The following LHPP variants were observed in gnomAD, a reference collection of about 807,000 sequenced individuals.
LHPP encodes hLHPP.
A neutral mutation model predicts 30.3 loss-of-function variants in LHPP; 24 were observed. That is an observed-to-expected ratio of 0.79 (90% confidence interval 0.57 to 1.11). The LOEUF (loss-of-function observed/expected upper bound fraction) is 1.11. Among genes scored for constraint, LHPP ranks in the 50% most tolerant of loss-of-function variants. LHPP has a pLI of 0.00. For synonymous variants in LHPP, 150 were observed against 157.1 expected (o/e 0.95, Z 0.34); for missense variants, 356 against 367.2 (o/e 0.97, Z 0.25).
chr10:124,498,550 A>C, intron 5 of LHPP: 1 of 1,284,430 alleles, frequency 7.8e-7, no homozygotes, highest in Admixed American at 2.8e-5. Flanking sequence ...TGCCTTTCAA[A>C]CTTCCAAATT....
Position 124,496,474 on chromosome 10 carries a change from CGGCTAACGGG to C in LHPP, c.468-486_468-477del, listed in dbSNP as rs1183650269. On this transcript the variant is annotated intron_variant, in intron 3 of 6. Transcript: ENST00000368842. This position sits in a 1 kb window ranked among gnomAD's most constrained non-coding sequence, Gnocchi z 4.3. ...GAAACCTGGCACCTCGCTTGACCTC[CGGCTAACGGG>C]ATGCGGCAGGGTGCTGTGGAACTAA... Among the ~76,000 whole-genome samples, 1 of 152,212 alleles carries C rather than the reference CGGCTAACGGG, an allele frequency of 6.6e-6. No homozygotes were observed.
intron 6 of LHPP, among the ~76,000 whole-genome samples, chr10:124,559,564 G>A (rs1448002308): frequency 6.6e-6 from 1 of 152,268 alleles, no homozygotes; most frequent in Non-Finnish European, 1.5e-5. Flanking sequence ...TGGCCACAGA[G>A]GTGAGGCTGG....
At chr10:124,470,193 C>CG (rs369920494) in intron 1 of LHPP, among the ~76,000 whole-genome samples, 2 of 152,116 alleles carry the variant, frequency 1.3e-5, no homozygotes, top group Non-Finnish European at 2.9e-5. Flanking sequence ...AGGCCGGCCT[C>CG]GGGGCCCTGG....
At chr10:124,601,329 G>C (rs1366425077) in intron 6 of LHPP, among the ~76,000 whole-genome samples, 1 of 152,222 alleles carries the variant, frequency 6.6e-6, no homozygotes, top group Non-Finnish European at 1.5e-5. Context: ...GGATCTTTCA[G>C]ATTTTCTCAA....
intron 1 of LHPP, among the ~76,000 whole-genome samples, chr10:124,464,421 GGTCCC>G (rs1952499397): frequency 6.6e-6 from 1 of 152,152 alleles, no homozygotes; most frequent in South Asian, 2.1e-4. Flanking sequence ...GGACCCAAAC[GGTCCC>G]GCATAGTGAA....
At chr10:124,504,739 G>A (rs1222780032) in intron 5 of LHPP, among the ~76,000 whole-genome samples, 2 of 152,190 alleles carry the variant, frequency 1.3e-5, no homozygotes, top group Non-Finnish European at 1.5e-5. Context: ...CTGACCTTGG[G>A]TGGTCTCCCT....
intron 3 of LHPP, chr10:124,490,442 C>A: frequency 3.0e-6 from 1 of 334,824 alleles, no homozygotes; most frequent in Admixed American, 3.1e-5. Flanking sequence ...GCCTGGCCTT[C>A]ATGACGTGAA....
chr10:124,527,931 C>T (rs1954787545), intron 6 of LHPP, among the ~76,000 whole-genome samples: 1 of 152,098 alleles, frequency 6.6e-6, no homozygotes, highest in Non-Finnish European at 1.5e-5. Flanking sequence ...AGGTTTATGC[C>T]ACCACGCCCA....
chr10:124,568,473 G>A (rs1191866084), intron 6 of LHPP, among the ~76,000 whole-genome samples: 5 of 152,156 alleles, frequency 3.3e-5, no homozygotes, highest in African/African-American at 4.8e-5. Flanking sequence ...GCGCGATGAG[G>A]CCCCTTTCGA....
Position 124,496,872 on chromosome 10 carries a change from A to G in LHPP, c.468-89A>G. ...GCGGCTTGGCTCTGCAGCCAGCGGG[A>G]CAGGCCCGGTGCTCAGCTCCCGATA... On this transcript the variant is annotated intron_variant, in intron 3 of 6. Coordinates refer to ENST00000368842, the MANE Select transcript of LHPP (RefSeq NM_022126.4). The surrounding 1 kb of genome is among the most constrained non-coding windows in gnomAD (Gnocchi z 4.3). The G allele has an allele frequency of 1.7e-6, 2 of 1,206,050 alleles. No individual in the cohort carries two copies. The highest frequency in any genetic ancestry group is 1.4e-5 in the South Asian group (1 of 73,654). 74.7% of individuals were successfully genotyped at this position (1,206,050 alleles called of 1,614,324 possible).
At chr10:124,470,686 A>ACAG (rs1209315721) in intron 1 of LHPP, among the ~76,000 whole-genome samples, 3 of 151,828 alleles carry the variant, frequency 2.0e-5, no homozygotes, top group Non-Finnish European at 2.9e-5. Flanking sequence ...AACAACAATA[A>ACAG]TAATAATGTA....
intron 5 of LHPP, among the ~76,000 whole-genome samples, chr10:124,504,553 T>C (rs1954007293): frequency 6.8e-6 from 1 of 147,078 alleles, no homozygotes. Flanking sequence ...CAAGCTGAGA[T>C]TGCACCACTG....
In LHPP at chr10:124,478,609, C is replaced by G. The variant is rs1259834761; in HGVS notation, c.126-5530C>G. On this transcript the variant is annotated intron_variant, in intron 1 of 6. Coordinates refer to ENST00000368842, the MANE Select transcript of LHPP (RefSeq NM_022126.4). This position sits in a 1 kb window ranked among gnomAD's most constrained non-coding sequence, Gnocchi z 4.7. ...TTTTCATTATTTGCGGGTGAGCGCT[C>G]CTGGCAGATGCCAACAGCCAGCAGA... Among the ~76,000 whole-genome samples the G allele has an allele frequency of 6.6e-6, 1 of 152,254 alleles. No individual in the cohort carries two copies. Among genetic ancestry groups the G allele is most frequent in the Non-Finnish European group, 1.5e-5 (1 of 68,046 alleles).
intron 2 of LHPP, 57 bp downstream of exon 2, chr10:124,484,383 G>A: frequency 6.5e-7 from 1 of 1,529,650 alleles, no homozygotes; most frequent in Non-Finnish European, 9.0e-7. Flanking sequence ...TTCCCAGGGT[G>A]GGGGCTGTGC....
At chr10:124,546,835 G>C (rs1220118214) in intron 6 of LHPP, among the ~76,000 whole-genome samples, 3 of 152,110 alleles carry the variant, frequency 2.0e-5, no homozygotes, top group African/African-American at 7.2e-5. Flanking sequence ...TACTTACTTT[G>C]TTTTATATCA....
chr10:124,486,449 A>G (rs1953330006), intron 2 of LHPP, among the ~76,000 whole-genome samples: 1 of 152,224 alleles, frequency 6.6e-6, no homozygotes, highest in Non-Finnish European at 1.5e-5. Context: ...AAGGTATTAC[A>G]CTCCCAGTTA....
At chr10:124,531,625 T>G (rs1329931709) in intron 6 of LHPP, among the ~76,000 whole-genome samples, 1 of 152,246 alleles carries the variant, frequency 6.6e-6, no homozygotes, top group Non-Finnish European at 1.5e-5. Context: ...GTGTGGTGTT[T>G]TCTCATGATA....
chr10:124,586,285 G>A (rs868064220), intron 6 of LHPP, among the ~76,000 whole-genome samples: 23 of 152,310 alleles, frequency 1.5e-4, no homozygotes, highest in African/African-American at 5.5e-4. Flanking sequence ...ATGAGAGGTG[G>A]GGAGAAGGAG....
chr10:124,613,487 C>CCCGCCCAGGAGAG lies in LHPP; in HGVS notation c.*129_*130insGCCCAGGAGAGCC. On this transcript the variant is annotated 3_prime_UTR_variant, in exon 7 of 7. Transcript: ENST00000368842. ...CTCCTCCACCCCTGCCTCTCCTCCA[C>CCCGCCCAGGAGAG]CCCTGCCTCCCCTCCACCTGCCCCA... 1.5e-6 allele frequency: 1 copy of CCCGCCCAGGAGAG among 674,774 alleles called. No individual in the cohort carries two copies. The highest frequency in any genetic ancestry group is 2.7e-5 in the East Asian group (1 of 36,840). 41.8% of individuals were successfully genotyped at this position (674,774 alleles called of 1,614,324 possible). A position where few individuals can be genotyped will look rare whatever the true frequency, so the allele number is the denominator to read the frequency against.
Sources: gnomAD v4.1 joint callset for allele counts (sites outside exome capture counted in the v4.1 genomes callset) on GRCh38, gnomAD v4.1.1 for gene constraint, Gnocchi (gnomAD v3.1) non-coding constraint, MANE v1.5 for transcripts, NCBI Gene and HGNC (gene_info 2026-07-23, HGNC 2026-07-21) for gene names.